Variants in STRN3 observed in about 807,000 individuals in gnomAD.
STRN3 encodes the protein striatin 3, also known as striatin-3.
STRN3 carries 29 observed loss-of-function variants against 95.6 expected under a neutral mutation model. The observed-to-expected ratio is 0.30, with a 90% confidence interval of 0.23 to 0.41. The LOEUF (loss-of-function observed/expected upper bound fraction) is 0.41. Ranked by LOEUF, STRN3 falls within the 10% of genes least tolerant of loss-of-function variation. STRN3 has a pLI of 1.00. For synonymous variants in STRN3, 331 were observed against 357.6 expected (o/e 0.93, Z 0.84); for missense variants, 890 against 972.1 (o/e 0.92, Z 1.12).
intron 16 of STRN3, among the ~76,000 whole-genome samples, chr14:30,900,623 T>C (rs1896286767): frequency 6.6e-6 from 1 of 151,620 alleles, no homozygotes; most frequent in South Asian, 2.1e-4. Context: ...TCCCACCCTG[T>C]AGTCCCACCC....
At chr14:31,018,675 T>C (rs151001355) in intron 1 of STRN3, 18 of 465,274 alleles carry the variant, frequency 3.9e-5, no homozygotes, top group African/African-American at 3.4e-4. Context: ...CAGAAAACAG[T>C]TGGTGGTTTA....
At chr14:31,014,559 A>C in intron 1 of STRN3, 1 of 383,572 alleles carries the variant, frequency 2.6e-6, no homozygotes, top group Non-Finnish European at 5.2e-6. Context: ...ACGTCTGTTT[A>C]TAAAGTCTAT....
At chr14:30,957,833 A>G (rs1317590051) in intron 1 of STRN3, among the ~76,000 whole-genome samples, 2 of 152,240 alleles carry the variant, frequency 1.3e-5, no homozygotes, top group African/African-American at 2.4e-5. Context: ...CACAAGAGGT[A>G]GAATGTTCTT....
chr14:30,953,963 G>C (rs571941078), intron 3 of STRN3, among the ~76,000 whole-genome samples: 1 of 152,074 alleles, frequency 6.6e-6, no homozygotes, highest in Non-Finnish European at 1.5e-5. Flanking sequence ...AATAGTCATA[G>C]TGTCAAGTCA....
At chr14:30,950,783 T>C (rs143955421) in intron 4 of STRN3, 80 bp downstream of exon 4, 2 of 1,321,988 alleles carry the variant, frequency 1.5e-6, no homozygotes, top group Non-Finnish European at 2.1e-6. Context: ...CCAATATGAT[T>C]TTTTACTTGT....
intron 1 of STRN3, among the ~76,000 whole-genome samples, chr14:30,974,448 T>C (rs1330753161): frequency 1.3e-5 from 2 of 152,144 alleles, no homozygotes; most frequent in Non-Finnish European, 2.9e-5. Flanking sequence ...CTCATGTTAA[T>C]GGATTATAAG....
intron 10 of STRN3, among the ~76,000 whole-genome samples, chr14:30,912,867 T>C (rs1194046712): frequency 6.6e-6 from 1 of 151,566 alleles, no homozygotes; most frequent in African/African-American, 2.4e-5. Flanking sequence ...ATGTTAAGTA[T>C]AAAACGTGGA....
chr14:30,921,104 AC>A (rs946189551), intron 8 of STRN3, among the ~76,000 whole-genome samples: 16 of 151,132 alleles, frequency 1.1e-4, no homozygotes, highest in Admixed American at 4.0e-4. Flanking sequence ...ACACACACAC[AC>A]ACTTCCTTAT....
chr14:30,933,123 A>C (rs1331988333), intron 7 of STRN3, among the ~76,000 whole-genome samples: 3 of 151,732 alleles, frequency 2.0e-5, no homozygotes, highest in African/African-American at 7.3e-5. Flanking sequence ...AAAAAAAAAA[A>C]TGCAAAAATT....
intron 12 of STRN3, 38 bp downstream of exon 12, chr14:30,911,739 T>C (rs1477568202): frequency 1.3e-6 from 2 of 1,534,644 alleles, no homozygotes; most frequent in East Asian, 2.3e-5. Flanking sequence ...TTAACAATAA[T>C]GATGATGTTA....
intron 1 of STRN3, among the ~76,000 whole-genome samples, chr14:31,013,861 A>AT (rs199918149): frequency 1.0e-4 from 11 of 105,062 alleles, no homozygotes; most frequent in African/African-American, 1.3e-4. Context: ...TCTCAAAGCA[A>AT]TTTTATTATT....
At chr14:31,000,776 G>A (rs896982863) in intron 1 of STRN3, among the ~76,000 whole-genome samples, 48 of 152,020 alleles carry the variant, frequency 3.2e-4, no homozygotes, top group Admixed American at 2.9e-3. Flanking sequence ...AGCTTCAACA[G>A]GGCAATGGCT....
rs372551296 is a variant in STRN3, at chr14:30,911,838, A to G, written c.1551-14T>C. The G allele has an allele frequency of 7.5e-6, 12 of 1,597,706 alleles. No homozygotes were observed. Among genetic ancestry groups the G allele is most frequent in the East Asian group, 2.2e-5 (1 of 44,644 alleles). ...AAAGAGGCACTCCTAAAAGAGGGGG[A>G]AAAAGGGTAGGGGAAGAGAAGGCAA... is the stretch of plus-strand genomic sequence containing the variant. On this transcript the variant is annotated splice_polypyrimidine_tract_variant and intron_variant, in intron 11 of 17. Coordinates refer to ENST00000357479, the MANE Select transcript of STRN3 (RefSeq NM_001083893.2).
At chr14:31,013,546 G>C (rs1479281285) in intron 1 of STRN3, among the ~76,000 whole-genome samples, 1 of 152,064 alleles carries the variant, frequency 6.6e-6, no homozygotes, top group Non-Finnish European at 1.5e-5. Context: ...GGGGGTGGTA[G>C]ACAGGATCAT....
At chr14:30,955,299 T>C (rs1014103792) in intron 3 of STRN3, among the ~76,000 whole-genome samples, 8 of 152,190 alleles carry the variant, frequency 5.3e-5, no homozygotes, top group African/African-American at 1.9e-4. Flanking sequence ...ATACTTAATA[T>C]TGAACTCAAA....
chr14:31,012,033 G>T (rs1882993779), intron 1 of STRN3, among the ~76,000 whole-genome samples: 1 of 152,214 alleles, frequency 6.6e-6, no homozygotes, highest in African/African-American at 2.4e-5. Flanking sequence ...AGTGAGCCGA[G>T]ATCGCGCAAC....
chr14:30,983,959 C>G (rs1881533708), intron 1 of STRN3, among the ~76,000 whole-genome samples: 1 of 152,004 alleles, frequency 6.6e-6, no homozygotes, highest in South Asian at 2.1e-4. Context: ...AATTAAGTTT[C>G]TGCAAAATAC....
intron 5 of STRN3, among the ~76,000 whole-genome samples, chr14:30,941,261 C>T (rs760100872): frequency 1.3e-5 from 2 of 152,192 alleles, no homozygotes; most frequent in African/African-American, 2.4e-5. Flanking sequence ...AAGCTGCTGA[C>T]TTAACTTCTG....
At chr14:30,992,059 A>G (rs1390216894) in intron 1 of STRN3, among the ~76,000 whole-genome samples, 2 of 151,870 alleles carry the variant, frequency 1.3e-5, no homozygotes, top group East Asian at 1.9e-4. Flanking sequence ...AACAGTAGAG[A>G]TAATAGTATA....
Sources: gnomAD v4.1 joint callset for allele counts (sites outside exome capture counted in the v4.1 genomes callset) on GRCh38, gnomAD v4.1.1 for gene constraint, MANE v1.5 for transcripts, NCBI Gene and HGNC (gene_info 2026-07-23, HGNC 2026-07-21) for gene names.